Variants in PTPRB observed in about 807,000 individuals in gnomAD.
The protein encoded by PTPRB is receptor-type tyrosine-protein phosphatase beta.
In PTPRB, 97 loss-of-function variants were observed where a neutral mutation model predicts 238.1. The observed-to-expected ratio is 0.41, with a 90% CI of 0.35 to 0.48. PTPRB has a LOEUF of 0.48. Ranked by LOEUF, PTPRB falls within the 20% of genes least tolerant of loss-of-function variation. The probability of loss-of-function intolerance (pLI) is 0.30; values close to 1 mark genes in which losing one functional copy is unlikely to be tolerated. For synonymous variants in PTPRB, 970 were observed against 995.4 expected (o/e 0.97, Z 0.48); for missense variants, 2,292 against 2,681.9 (o/e 0.85, Z 3.21).
At chr12:70,629,477 C>T (rs949130325) in intron 2 of PTPRB, among the ~76,000 whole-genome samples, 30 of 152,212 alleles carry the variant, frequency 2.0e-4, no homozygotes, top group Non-Finnish European at 4.4e-5. Flanking sequence ...GCACTAAATG[C>T]CCACAAGAGA....
chr12:70,631,195 T>A (rs903246870), intron 2 of PTPRB, among the ~76,000 whole-genome samples: 1 of 152,240 alleles, frequency 6.6e-6, no homozygotes, highest in African/African-American at 2.4e-5. Flanking sequence ...AAGGCTACAG[T>A]AACCAAAACA....
chr12:70,573,338 C>T (rs56306955), intron 11 of PTPRB, among the ~76,000 whole-genome samples: 28,238 of 151,892 alleles, frequency 0.19, 2,744 homozygotes, highest in South Asian at 0.21. Context: ...AGTGAATTCA[C>T]GAGGTGGGGA....
rs780888168 is a variant in PTPRB at position 70,571,835 on chromosome 12, T to C, written c.3095A>G (p.Asn1032Ser). ...ATCGTTCCACTTACTTGTTCTCCCA[T>C]TCCCTTGTTCATTGGCTTCATATTG... Reference protein sequence around the residue: ...SGQYEANEQGNGRTIPEPVKD... With the variant: ...SGQYEANEQGSGRTIPEPVKD... The change falls in exon 12 of 34, where the codon AAT becomes AGT. Residue 1032 changes from asparagine to serine, a missense_variant. Physicochemically the swap from Asn to Ser is conservative, Grantham distance 46. Coordinates refer to ENST00000334414, the MANE Select transcript of PTPRB (RefSeq NM_001109754.4). 2.5e-6 allele frequency: 4 copies of C among 1,612,108 alleles called. No homozygotes were observed. In the East Asian group the frequency reaches 8.9e-5, roughly 36 times the overall value.
chr12:70,578,237 A>C (rs1881002887), intron 10 of PTPRB, among the ~76,000 whole-genome samples: 1 of 152,144 alleles, frequency 6.6e-6, no homozygotes, highest in South Asian at 2.1e-4. Context: ...TATATGTTTC[A>C]ACTCAGTGGA....
chr12:70,538,636 C>A, intron 27 of PTPRB: 1 of 487,594 alleles, frequency 2.1e-6, no homozygotes, highest in Non-Finnish European at 3.7e-6. Context: ...ATGTCAGAGC[C>A]CTTGCTGTTA....
chr12:70,528,650 T>C (rs1402907765), intron 32 of PTPRB, among the ~76,000 whole-genome samples: 1 of 152,076 alleles, frequency 6.6e-6, no homozygotes, highest in South Asian at 2.1e-4. Context: ...CCCACGTAAA[T>C]AAACAAACAA....
intron 18 of PTPRB, among the ~76,000 whole-genome samples, chr12:70,557,307 T>G (rs1306897570): frequency 1.4e-5 from 2 of 146,434 alleles, no homozygotes; most frequent in African/African-American, 5.0e-5. Flanking sequence ...TATAAACTTC[T>G]ATTCTATTTA....
intron 2 of PTPRB, 58 bp downstream of exon 2, chr12:70,635,613 A>AC: frequency 6.6e-7 from 1 of 1,523,822 alleles, no homozygotes; most frequent in Non-Finnish European, 8.8e-7. Context: ...AACAAACAAA[A>AC]CCCCCAAGAT....
Position 70,592,405 on chromosome 12 carries a change from C to G in PTPRB, c.1657G>C (p.Val553Leu). The G allele has an allele frequency of 1.2e-6, 2 of 1,613,916 alleles. No individual in the cohort carries two copies. Among genetic ancestry groups the G allele is most frequent in the Non-Finnish European group, 1.7e-6 (2 of 1,179,856 alleles). ...GTTTCAGTAATCCAAGGTGCTAATA[C>G]TCTGGATTCCTTGATGGTCCCTTTG... ...SHKGTIKESR[V>L]LAPWITETHF... The change falls in exon 7 of 34, where the codon GTA becomes CTA. Residue 553 changes from valine to leucine, a missense_variant. Val to Leu is a conservative substitution (Grantham distance 32). Coordinates refer to ENST00000334414, the MANE Select transcript of PTPRB (RefSeq NM_001109754.4).
chr12:70,635,944 GC>G lies in PTPRB; in HGVS notation c.177del (p.Lys59AsnfsTer60). ...CACAGTGCAGATTTAACATGAAGGA[GC>G]TTTTCATCCTCAGTCCACATCCACT... ...NQQWMWTEDE[K>X]LLHVKSALCL... On this transcript the variant is annotated frameshift_variant, in exon 2 of 34. Coordinates refer to ENST00000334414, the MANE Select transcript of PTPRB (RefSeq NM_001109754.4). LOFTEE classifies it high-confidence loss of function. 6.2e-7 allele frequency: 1 copy of G among 1,613,606 alleles called. No homozygotes were observed. The highest frequency in any genetic ancestry group is 8.5e-7 in the Non-Finnish European group (1 of 1,179,792).
chr12:70,567,069 T>A (rs1879398610), intron 14 of PTPRB, among the ~76,000 whole-genome samples: 1 of 152,214 alleles, frequency 6.6e-6, no homozygotes, highest in African/African-American at 2.4e-5. Flanking sequence ...CTGAATTATG[T>A]CTCTTGTTTA....
rs1268763324 is a variant in PTPRB at position 70,635,925 on chromosome 12, G to A, written c.197C>T (p.Ala66Val). 1 of 1,613,768 alleles carries A rather than the reference G, an allele frequency of 6.2e-7. No individual in the cohort carries two copies. Among genetic ancestry groups the A allele is most frequent in the Non-Finnish European group, 8.5e-7 (1 of 1,179,850 alleles). ...AGAGTTGGAGATGGCCAAGCACAGT[G>A]CAGATTTAACATGAAGGAGCTTTTC... Reference protein sequence around the residue: ...EDEKLLHVKSALCLAISNSSR... With the variant: ...EDEKLLHVKSVLCLAISNSSR... Residue 66 changes from alanine to valine, a missense_variant, in exon 2 of 34, where the codon GCA becomes GTA. Transcript: ENST00000334414.
intron 26 of PTPRB, chr12:70,539,350 T>A (rs447468): frequency 0.96 from 529,444 of 550,406 alleles, 254,787 homozygotes; most frequent in East Asian, 1. Flanking sequence ...ATCTGACAGC[T>A]TTAGGTCTGC....
chr12:70,536,270 TC>T, intron 28 of PTPRB, 111 bp from the exon 29 acceptor site: 1 of 1,265,316 alleles, frequency 7.9e-7, no homozygotes, highest in African/African-American at 1.5e-5. Flanking sequence ...GTCTCTGACT[TC>T]AGAAAAAGAT....
intron 32 of PTPRB, among the ~76,000 whole-genome samples, chr12:70,529,373 A>G (rs1872841888): frequency 6.6e-6 from 1 of 152,200 alleles, no homozygotes. Context: ...GACAATTACT[A>G]GAGCACACAA....
rs539549925 is a variant in PTPRB at position 70,632,393 on chromosome 12, A to G, written c.451+3278T>C. 2.0e-5 allele frequency among the ~76,000 whole-genome samples: 3 copies of G among 151,704 alleles called. No homozygotes were observed. In the East Asian group the frequency reaches 5.9e-4, roughly 30 times the overall value. ...AATTGAACAACGAGAACACTTGGAC[A>G]CAGGGCAGGAGACATCACACACTGG... is the stretch of plus-strand genomic sequence containing the variant. On this transcript the variant is annotated intron_variant, in intron 2 of 33. Transcript: ENST00000334414.
Position 70,587,234 on chromosome 12 carries a change from T to A in PTPRB, c.2084A>T (p.His695Leu). The change falls in exon 9 of 34, where the codon CAT becomes CTT. Residue 695 changes from histidine (H) to leucine (L), a missense_variant. His to Leu is a moderately conservative substitution (Grantham distance 99, BLOSUM62 -3). This residue lies in a region of PTPRB where 1,205 missense variants were observed against 1,287.8 expected (regional missense o/e 0.94). Coordinates refer to ENST00000334414, the MANE Select transcript of PTPRB (RefSeq NM_001109754.4). ...PLAVLQLRVK[H>L]ANETSLSIMW... ...GATACTCAGTGAGGTTTCATTGGCATGTTTGACACGAAGCTGGAGGACAGC... is the reference window on the plus strand; with the variant it reads ...GATACTCAGTGAGGTTTCATTGGCAAGTTTGACACGAAGCTGGAGGACAGC... 6.2e-7 allele frequency: 1 copy of A among 1,613,888 alleles called. No homozygotes were observed. Among genetic ancestry groups the A allele is most frequent in the South Asian group, 1.1e-5 (1 of 91,068 alleles).
chr12:70,561,996 G>T (rs1183874491), intron 16 of PTPRB, among the ~76,000 whole-genome samples: 4 of 152,242 alleles, frequency 2.6e-5, no homozygotes, highest in Non-Finnish European at 2.9e-5. Context: ...TGGGCTGACC[G>T]TGGTGGCTCA....
chr12:70,590,006 T>C lies in PTPRB; in HGVS notation c.2008A>G (p.Ser670Gly), dbSNP rs1384391213. The change falls in exon 8 of 34, where the codon AGT (serine) becomes GGT (glycine). Residue 670 changes from serine to glycine, a missense_variant. Ser to Gly is a moderately conservative substitution (Grantham distance 56). Coordinates refer to ENST00000334414, the MANE Select transcript of PTPRB (RefSeq NM_001109754.4). ...CGCTCAGAATTCTTCAAATTTCCAC[T>C]CTCAACAATGACTTCCACCTCATAC... ...RQYEVEVIVE[S>G]GNLKNSERCQ... The C allele has an allele frequency of 6.2e-7, 1 of 1,613,954 alleles. No homozygotes were observed. Among genetic ancestry groups the C allele is most frequent in the Non-Finnish European group, 8.5e-7 (1 of 1,179,860 alleles).
Sources: gnomAD v4.1 joint callset for allele counts (sites outside exome capture counted in the v4.1 genomes callset) on GRCh38, gnomAD v4.1.1 for gene constraint, gnomAD v4.1.1 regional missense constraint, MANE v1.5 for transcripts, NCBI Gene and HGNC (gene_info 2026-07-23, HGNC 2026-07-21) for gene names.